The following BRD10 variants were observed in gnomAD, a reference collection of about 807,000 sequenced individuals.
BRD10 encodes the protein uncharacterized bromodomain-containing protein 10.
chr9:5,961,811 C>A, the BRD10 span, among the ~76,000 whole-genome samples: 24 of 152,134 alleles, frequency 1.6e-4, no homozygotes, highest in Admixed American at 3.3e-4. Context: ...TAAATATTAC[C>A]CAAACTGCCT....
At chr9:5,926,198 G>A in the BRD10 span, among the ~76,000 whole-genome samples, 1 of 152,078 alleles carries the variant, frequency 6.6e-6, no homozygotes, top group Non-Finnish European at 1.5e-5. Flanking sequence ...TTACAGGCGT[G>A]AATCACTGCG....
the BRD10 span, chr9:5,928,913 C>T: frequency 1.8e-6 from 1 of 548,078 alleles, no homozygotes; most frequent in East Asian, 3.0e-5. Flanking sequence ...GCCTTGCACA[C>T]AGTGGGCAGT....
the BRD10 span, among the ~76,000 whole-genome samples, chr9:5,993,642 G>C: frequency 6.6e-6 from 1 of 152,120 alleles, no homozygotes; most frequent in African/African-American, 2.4e-5. Flanking sequence ...CATAACGATG[G>C]AGCACAGTTT....
chr9:5,921,611 C>G, the BRD10 span: 1 of 1,613,970 alleles, frequency 6.2e-7, no homozygotes, highest in Non-Finnish European at 8.5e-7. Context: ...GATTACATCT[C>G]CATTTGTTGC....
At chr9:5,909,092 T>C in the BRD10 span, 3 of 261,416 alleles carry the variant, frequency 1.1e-5, no homozygotes, top group South Asian at 9.2e-5. Context: ...TTGACCGACA[T>C]GAACTGTACA....
chr9:5,920,303 A>G, the BRD10 span: 1 of 1,614,020 alleles, frequency 6.2e-7, no homozygotes, highest in Non-Finnish European at 8.5e-7. Flanking sequence ...TGGTGGAACA[A>G]TAAACCGGGT....
At chr9:5,932,563 TA>T in the BRD10 span, among the ~76,000 whole-genome samples, 4 of 152,166 alleles carry the variant, frequency 2.6e-5, no homozygotes, top group African/African-American at 9.7e-5. Context: ...AGAGATGATT[TA>T]AAGTCTACAG....
chr9:5,881,881 C>T, the BRD10 span, among the ~76,000 whole-genome samples: 1 of 152,166 alleles, frequency 6.6e-6, no homozygotes, highest in East Asian at 1.9e-4. Context: ...GAGGCTCTAC[C>T]ATGTGGCAGG....
the BRD10 span, among the ~76,000 whole-genome samples, chr9:5,956,472 C>T: frequency 6.6e-6 from 1 of 152,088 alleles, no homozygotes; most frequent in Non-Finnish European, 1.5e-5. Flanking sequence ...ACATACAAGA[C>T]CTTGAGCAAA....
At chr9:5,880,861 C>G in the BRD10 span, among the ~76,000 whole-genome samples, 1 of 152,076 alleles carries the variant, frequency 6.6e-6, no homozygotes, top group Admixed American at 6.5e-5. Context: ...TGCGCCACCA[C>G]GCCCAGCTAA....
chr9:5,911,146 C>A, the BRD10 span, among the ~76,000 whole-genome samples: 562 of 152,292 alleles, frequency 3.7e-3, 3 homozygotes, highest in Non-Finnish European at 5.7e-3. Flanking sequence ...GTTTCTCCAA[C>A]GCTTTCTTTT....
chr9:5,879,997 G>C, the BRD10 span, among the ~76,000 whole-genome samples: 1 of 152,114 alleles, frequency 6.6e-6, no homozygotes, highest in Non-Finnish European at 1.5e-5. Flanking sequence ...TCAGCTCACT[G>C]CAACCTCCGC....
At chr9:5,993,228 T>A in the BRD10 span, among the ~76,000 whole-genome samples, 1 of 148,362 alleles carries the variant, frequency 6.7e-6, no homozygotes, top group Admixed American at 6.8e-5. Flanking sequence ...GGCAGGAGAC[T>A]CACTGGAACC....
chr9:5,990,386 C>G, the BRD10 span, among the ~76,000 whole-genome samples: 4 of 152,140 alleles, frequency 2.6e-5, no homozygotes, highest in East Asian at 7.7e-4. Flanking sequence ...GAGGTCACAG[C>G]AGGTATGTAG....
chr9:5,946,276 T>C, the BRD10 span, among the ~76,000 whole-genome samples: 2 of 152,076 alleles, frequency 1.3e-5, no homozygotes, highest in Non-Finnish European at 2.9e-5. Context: ...TTCAAATTCA[T>C]AGAATTGACC....
At chr9:5,998,482 A>G in the BRD10 span, among the ~76,000 whole-genome samples, 1 of 152,030 alleles carries the variant, frequency 6.6e-6, no homozygotes, top group Admixed American at 6.6e-5. Context: ...ACTCCTTCAA[A>G]TCTTTTATGA....
chr9:5,908,891 T>C, the BRD10 span: 22 of 573,206 alleles, frequency 3.8e-5, no homozygotes, highest in Non-Finnish European at 6.2e-5. Flanking sequence ...GAGGAAATGA[T>C]GAGAAATATT....
the BRD10 span, chr9:5,924,913 T>G: frequency 1.8e-6 from 2 of 1,136,360 alleles, no homozygotes; most frequent in Non-Finnish European, 2.4e-6. Flanking sequence ...AAACTAACTT[T>G]TAACATTTTA....
the BRD10 span, chr9:5,921,736 T>C: frequency 6.2e-7 from 1 of 1,613,866 alleles, no homozygotes; most frequent in Admixed American, 1.7e-5. Context: ...TTGCTGCTGA[T>C]ATGCTAATTA....
Sources: gnomAD v4.1 joint callset for allele counts (sites outside exome capture counted in the v4.1 genomes callset) on GRCh38, gnomAD v4.1.1 for gene constraint, MANE v1.5 for transcripts, NCBI Gene and HGNC (gene_info 2026-07-23, HGNC 2026-07-21) for gene names.